MACROD2: variants seen among roughly 807,000 people sequenced by gnomAD.
MACROD2 encodes ADP-ribose glycohydrolase MACROD2.
MACROD2 carries 36 observed loss-of-function variants against 70.4 expected under a neutral mutation model. The ratio of observed to expected loss-of-function variants is 0.51; its 90% CI spans 0.39 to 0.68. The LOEUF (loss-of-function observed/expected upper bound fraction) is 0.68. Ranked by LOEUF, MACROD2 falls within the 30% of genes least tolerant of loss-of-function variation. The pLI is 0.00. For synonymous variants in MACROD2, 172 were observed against 178.8 expected (o/e 0.96, Z 0.30); for missense variants, 496 against 538.4 (o/e 0.92, Z 0.78).
chr20:14,342,387 C>G (rs2083022356), intron 3 of MACROD2, among the ~76,000 whole-genome samples: 1 of 152,012 alleles, frequency 6.6e-6, no homozygotes, highest in Non-Finnish European at 1.5e-5. Flanking sequence ...TTAAAATTGC[C>G]AAAACATCTT....
chr20:15,549,190 G>A (rs573159812), intron 8 of MACROD2, among the ~76,000 whole-genome samples: 1 of 152,322 alleles, frequency 6.6e-6, no homozygotes, highest in South Asian at 2.1e-4. Flanking sequence ...GAGTTACTTA[G>A]CACTTCAAGG....
In MACROD2 at chr20:14,763,687, C is replaced by T. The variant is rs1357680929; in HGVS notation, c.418+78728C>T. 1.3e-5 allele frequency among the ~76,000 whole-genome samples: 2 copies of T among 151,940 alleles called. 1 individual carries two copies. Among genetic ancestry groups the T allele is most frequent in the African/African-American group, 4.8e-5 (2 of 41,320 alleles). On this transcript the variant is annotated intron_variant, in intron 5 of 17. Coordinates refer to ENST00000684519, the MANE Select transcript of MACROD2 (RefSeq NM_001351661.2). Reference sequence around the variant, plus strand: ...TTATCTGGCCAGAGTGATTCAAATTCATAGAAAAAGTAACCTGTGAGAAGG... The same window carrying T: ...TTATCTGGCCAGAGTGATTCAAATTTATAGAAAAAGTAACCTGTGAGAAGG...
At chr20:14,079,517 A>G (rs1044205279) in intron 2 of MACROD2, among the ~76,000 whole-genome samples, 3 of 152,210 alleles carry the variant, frequency 2.0e-5, no homozygotes, top group Admixed American at 1.3e-4. Flanking sequence ...ATGACAATTT[A>G]GTAGGTTATG....
intron 5 of MACROD2, among the ~76,000 whole-genome samples, chr20:15,220,152 CA>C (rs1260249857): frequency 1.3e-5 from 2 of 152,130 alleles, no homozygotes; most frequent in Non-Finnish European, 2.9e-5. Flanking sequence ...AACAGCTTTT[CA>C]GCTCTATAAA....
chr20:14,795,882 G>A (rs537379275), intron 5 of MACROD2, among the ~76,000 whole-genome samples: 1 of 152,118 alleles, frequency 6.6e-6, no homozygotes, highest in South Asian at 2.1e-4. Flanking sequence ...CAGGAGAGAC[G>A]ATTGGTGCAT....
At chr20:15,551,631 C>T (rs1224968081) in intron 8 of MACROD2, among the ~76,000 whole-genome samples, 3 of 151,980 alleles carry the variant, frequency 2.0e-5, no homozygotes, top group Admixed American at 2.0e-4. Flanking sequence ...GTAATCTCAA[C>T]ACTTTGGGAG....
At chr20:14,182,332 C>G (rs1189410353) in intron 3 of MACROD2, among the ~76,000 whole-genome samples, 1 of 151,906 alleles carries the variant, frequency 6.6e-6, no homozygotes, top group African/African-American at 2.4e-5. Flanking sequence ...TTTATTTAGT[C>G]TTTTTTATTA....
At chr20:14,205,691 T>A (rs2081517423) in intron 3 of MACROD2, among the ~76,000 whole-genome samples, 1 of 152,224 alleles carries the variant, frequency 6.6e-6, no homozygotes, top group Admixed American at 6.5e-5. Context: ...CTGCCCTATC[T>A]GCCTAGGAGA....
intron 3 of MACROD2, among the ~76,000 whole-genome samples, chr20:14,481,803 G>T (rs140006172): frequency 2.4e-4 from 37 of 152,250 alleles, no homozygotes; most frequent in African/African-American, 7.9e-4. Flanking sequence ...TTCATCATTT[G>T]TTATAGGAAA....
At chr20:15,674,264 C>T (rs943342840) in intron 8 of MACROD2, among the ~76,000 whole-genome samples, 10 of 151,938 alleles carry the variant, frequency 6.6e-5, no homozygotes, top group East Asian at 1.9e-4. Context: ...GAAGGGTTTG[C>T]GACTCAATTT....
At chr20:14,609,714 G>T (rs980477125) in intron 4 of MACROD2, among the ~76,000 whole-genome samples, 1 of 152,198 alleles carries the variant, frequency 6.6e-6, no homozygotes. Flanking sequence ...CAAAGTTGTG[G>T]TTCCATATAG....
chr20:14,298,714 A>G (rs2082449244), intron 3 of MACROD2, among the ~76,000 whole-genome samples: 1 of 150,078 alleles, frequency 6.7e-6, no homozygotes, highest in Admixed American at 6.6e-5. Flanking sequence ...GACTCATGGG[A>G]GGAGGTCTGA....
intron 5 of MACROD2, among the ~76,000 whole-genome samples, chr20:15,127,870 G>T (rs1472419409): frequency 6.6e-6 from 1 of 151,916 alleles, no homozygotes; most frequent in Non-Finnish European, 1.5e-5. Context: ...GATAATTAGG[G>T]GTCATCTTAG....
intron 8 of MACROD2, among the ~76,000 whole-genome samples, chr20:15,767,041 C>T (rs8120987): frequency 0.029 from 4,454 of 152,340 alleles, 221 homozygotes; most frequent in African/African-American, 0.1. Context: ...GGAGCTCTCA[C>T]TTCTCAGGGC....
At chr20:14,642,724 T>TA (rs1368546342) in intron 4 of MACROD2, among the ~76,000 whole-genome samples, 1 of 152,174 alleles carries the variant, frequency 6.6e-6, no homozygotes. Context: ...CTCCTTTTTT[T>TA]ATGGGCTTTA....
chr20:15,132,764 G>A (rs565174671), intron 5 of MACROD2, among the ~76,000 whole-genome samples: 1 of 151,718 alleles, frequency 6.6e-6, no homozygotes. Context: ...TAATATTCAC[G>A]GCAATTTTGA....
chr20:14,220,506 C>T (rs1215892360), intron 3 of MACROD2, among the ~76,000 whole-genome samples: 2 of 152,178 alleles, frequency 1.3e-5, no homozygotes, highest in Non-Finnish European at 2.9e-5. Flanking sequence ...CCTGTGGAGT[C>T]TGCACACTGA....
chr20:14,123,434 G>A (rs1013595912), intron 3 of MACROD2, among the ~76,000 whole-genome samples: 9 of 152,126 alleles, frequency 5.9e-5, no homozygotes, highest in African/African-American at 1.4e-4. Flanking sequence ...CATCAGCACT[G>A]CAGCATCCAT....
intron 6 of MACROD2, among the ~76,000 whole-genome samples, chr20:15,380,098 A>G (rs747323345): frequency 2.6e-5 from 4 of 152,118 alleles, no homozygotes; most frequent in Non-Finnish European, 5.9e-5. Flanking sequence ...CTCAGCTTGA[A>G]TGACATATCT....
Sources: gnomAD v4.1 joint callset for allele counts (sites outside exome capture counted in the v4.1 genomes callset) on GRCh38, gnomAD v4.1.1 for gene constraint, MANE v1.5 for transcripts, NCBI Gene and HGNC (gene_info 2026-07-23, HGNC 2026-07-21) for gene names.